SUGCT: variants seen among roughly 807,000 people sequenced by gnomAD.
SUGCT encodes the protein succinyl-CoA:glutarate CoA-transferase.
SUGCT carries 41 observed loss-of-function variants against 55.0 expected under a neutral mutation model. The ratio of observed to expected loss-of-function variants is 0.74; its 90% CI spans 0.58 to 0.97. The LOEUF is 0.97. Ranked by LOEUF, SUGCT falls within the 50% of genes least tolerant of loss-of-function variation. SUGCT has a pLI of 0.00. For missense variants in SUGCT, 568 were observed against 547.8 expected, an observed-to-expected ratio of 1.04 and a Z score of -0.37; for synonymous variants, 187 against 200.4, an observed-to-expected ratio of 0.93 and a Z score of 0.56.
rs149689060 is a variant in SUGCT at position 40,276,529 on chromosome 7, T to C, written c.720+1873T>C. ...ACAAATTATGTAGCAGGTCGTGGAGTTGAGACTCTACTTAAGTCTCCTGAT... is the reference window on the plus strand; with the variant it reads ...ACAAATTATGTAGCAGGTCGTGGAGCTGAGACTCTACTTAAGTCTCCTGAT... On this transcript the variant is annotated intron_variant, in intron 8 of 13. Coordinates refer to ENST00000335693, the MANE Select transcript of SUGCT (RefSeq NM_001193313.2). Among the ~76,000 whole-genome samples the C allele has an allele frequency of 4.7e-3, 720 of 152,298 alleles. 7 individuals carry two copies. Among genetic ancestry groups the C allele is most frequent in the African/African-American group, 0.017 (686 of 41,558 alleles).
intron 12 of SUGCT, among the ~76,000 whole-genome samples, chr7:40,693,704 T>G: frequency 6.6e-6 from 1 of 152,350 alleles, no homozygotes; most frequent in South Asian, 2.1e-4. Flanking sequence ...TATTTCAACC[T>G]GATGTTCAGC....
chr7:40,470,306 T>G (rs1035567067), intron 11 of SUGCT, among the ~76,000 whole-genome samples: 2 of 152,060 alleles, frequency 1.3e-5, no homozygotes, highest in Non-Finnish European at 2.9e-5. Flanking sequence ...TATTCTTATC[T>G]CCTCTTAGCT....
chr7:40,418,112 G>A, intron 9 of SUGCT, among the ~76,000 whole-genome samples: 1 of 151,906 alleles, frequency 6.6e-6, no homozygotes. Flanking sequence ...TTCTTTTTTT[G>A]TTAGGTTTTT....
At chr7:40,904,786 A>G in the SUGCT span, among the ~76,000 whole-genome samples, 50,017 of 152,096 alleles carry the variant, frequency 0.33, 8,515 homozygotes, top group Middle Eastern at 0.43. Flanking sequence ...GGAAGTAAGT[A>G]TACACACATA....
chr7:40,851,950 A>G (rs1245062365), intron 13 of SUGCT, among the ~76,000 whole-genome samples: 3 of 152,236 alleles, frequency 2.0e-5, no homozygotes, highest in African/African-American at 7.2e-5. Context: ...AGATGTTGGA[A>G]TAAATACAAT....
intron 13 of SUGCT, among the ~76,000 whole-genome samples, chr7:40,757,988 G>T (rs1211714997): frequency 1.3e-5 from 2 of 152,152 alleles, no homozygotes; most frequent in Non-Finnish European, 2.9e-5. Flanking sequence ...ACTGATTAGA[G>T]AAGTAAAAAC....
intron 12 of SUGCT, among the ~76,000 whole-genome samples, chr7:40,689,005 T>C (rs922300888): frequency 1.3e-5 from 2 of 152,156 alleles, no homozygotes; most frequent in African/African-American, 2.4e-5. Context: ...GGAGCAAATA[T>C]GGTAGGTTTT....
chr7:40,639,674 A>ATT (rs1800180145), intron 12 of SUGCT, among the ~76,000 whole-genome samples: 2 of 132,920 alleles, frequency 1.5e-5, no homozygotes, highest in Non-Finnish European at 1.5e-5. Flanking sequence ...CATGCCGTCT[A>ATT]ATTTTTTTTT....
At chr7:40,582,104 G>A (rs1797127695) in intron 12 of SUGCT, among the ~76,000 whole-genome samples, 2 of 151,736 alleles carry the variant, frequency 1.3e-5, no homozygotes, top group Admixed American at 6.6e-5. Context: ...AACAGACATC[G>A]CTCTCTATAA....
chr7:40,515,905 C>T (rs899812065), intron 12 of SUGCT, among the ~76,000 whole-genome samples: 7 of 152,322 alleles, frequency 4.6e-5, no homozygotes, highest in Middle Eastern at 3.4e-3. Context: ...TATTTTCCAA[C>T]GTGGCTGCGC....
chr7:40,604,080 G>T (rs138553032), intron 12 of SUGCT, among the ~76,000 whole-genome samples: 6 of 151,692 alleles, frequency 4.0e-5, no homozygotes, highest in Non-Finnish European at 5.9e-5. Context: ...GCATAGGAGT[G>T]GGGGAGGTTC....
chr7:40,866,248 G>C, the SUGCT span, among the ~76,000 whole-genome samples: 1 of 152,106 alleles, frequency 6.6e-6, no homozygotes, highest in East Asian at 1.9e-4. Context: ...GATCTCCATA[G>C]CATCTCTTGG....
intron 11 of SUGCT, among the ~76,000 whole-genome samples, chr7:40,491,612 C>G (rs1791683035): frequency 6.6e-6 from 1 of 151,632 alleles, no homozygotes; most frequent in Non-Finnish European, 1.5e-5. Context: ...ATAGAGATGA[C>G]AAGATGGCTT....
intron 11 of SUGCT, among the ~76,000 whole-genome samples, chr7:40,466,942 G>T (rs914876516): frequency 1.3e-5 from 2 of 152,170 alleles, no homozygotes; most frequent in East Asian, 3.8e-4. Context: ...GGTGGCTTAC[G>T]CCTGTAATCC....
chr7:40,722,469 C>T (rs1055535423), intron 12 of SUGCT, among the ~76,000 whole-genome samples: 3 of 152,088 alleles, frequency 2.0e-5, no homozygotes, highest in Non-Finnish European at 4.4e-5. Flanking sequence ...AATGTTGGCT[C>T]ATTCAATGAG....
intron 12 of SUGCT, among the ~76,000 whole-genome samples, chr7:40,579,193 A>G (rs77642268): frequency 0.025 from 3,861 of 152,140 alleles, 175 homozygotes; most frequent in African/African-American, 0.086. Flanking sequence ...GGTGAAATCA[A>G]TCGAGGGGAC....
At chr7:40,719,637 A>T (rs1786211518) in intron 12 of SUGCT, among the ~76,000 whole-genome samples, 1 of 152,224 alleles carries the variant, frequency 6.6e-6, no homozygotes, top group East Asian at 1.9e-4. Flanking sequence ...GAGGTTGAGA[A>T]GTGGTTCCAC....
chr7:40,764,985 G>T (rs1788708470), intron 13 of SUGCT, among the ~76,000 whole-genome samples: 1 of 152,132 alleles, frequency 6.6e-6, no homozygotes, highest in Non-Finnish European at 1.5e-5. Context: ...TAATCAGAAT[G>T]GTATAGTGGG....
chr7:40,459,587 T>G (rs1237725685), intron 11 of SUGCT, among the ~76,000 whole-genome samples: 2 of 152,226 alleles, frequency 1.3e-5, no homozygotes, highest in Non-Finnish European at 2.9e-5. Flanking sequence ...TTGTCTCGTT[T>G]AATCCTCATA....
Sources: allele counts gnomAD v4.1 joint callset (sites outside exome capture counted in the v4.1 genomes callset), GRCh38; gene constraint gnomAD v4.1.1; transcripts MANE v1.5; gene names NCBI Gene and HGNC (gene_info 2026-07-23, HGNC 2026-07-21).